Variants in CMIP observed in about 807,000 individuals in gnomAD.
CMIP encodes the protein C-Maf-inducing protein.
CMIP carries 13 observed loss-of-function variants against 97.3 expected under a neutral mutation model. The observed-to-expected ratio is 0.13, with a 90% confidence interval of 0.09 to 0.21. The LOEUF (loss-of-function observed/expected upper bound fraction) is 0.21. Ranked by LOEUF, CMIP falls within the 10% of genes least tolerant of loss-of-function variation. The probability of loss-of-function intolerance (pLI) is 1.00; values close to 1 mark genes in which losing one functional copy is unlikely to be tolerated. For synonymous variants in CMIP, 538 were observed against 436.3 expected (o/e 1.23, Z -2.91); for missense variants, 847 against 1,024.9 (o/e 0.83, Z 2.37).
chr16:81,445,977 A>C (rs1223137609), intron 1 of CMIP, among the ~76,000 whole-genome samples: 1 of 151,530 alleles, frequency 6.6e-6, no homozygotes, highest in Non-Finnish European at 1.5e-5. Context: ...AAAAAAAAAC[A>C]AACAACACAA....
At chr16:81,460,883 A>C (rs1387520254) in intron 1 of CMIP, among the ~76,000 whole-genome samples, 2 of 152,206 alleles carry the variant, frequency 1.3e-5, no homozygotes, top group Admixed American at 1.3e-4. Flanking sequence ...TTGCCTACCC[A>C]CTGTGGCCTT....
Position 81,445,510 on chromosome 16 carries a change from C to T in CMIP, c.269C>T (p.Thr90Met). The change falls in exon 1 of 21, where the codon ACG becomes ATG. Residue 90 changes from threonine to methionine, a missense_variant. Physicochemically the swap from Thr to Met is moderately conservative, Grantham distance 81. Coordinates refer to ENST00000537098, the MANE Select transcript of CMIP (RefSeq NM_198390.3). ...FLRRWEPHHLTLADNSLASAT... is the reference protein window; with the variant it reads ...FLRRWEPHHLMLADNSLASAT... ...AGGCGCTGGGAGCCGCACCACCTAA[C>T]GCTGGCCGACAACAGCCTGGCGTCC... 6.4e-7 allele frequency: 1 copy of T among 1,551,712 alleles called. No individual in the cohort carries two copies. Among genetic ancestry groups the T allele is most frequent in the Non-Finnish European group, 8.7e-7 (1 of 1,147,584 alleles).
At chr16:81,527,517 C>T (rs370940148) in intron 1 of CMIP, among the ~76,000 whole-genome samples, 1 of 152,152 alleles carries the variant, frequency 6.6e-6, no homozygotes, top group African/African-American at 2.4e-5. Flanking sequence ...CATGAATTAT[C>T]CCATCTCATG....
At chr16:81,591,516 C>A (rs575665194) in intron 1 of CMIP, among the ~76,000 whole-genome samples, 32 of 152,302 alleles carry the variant, frequency 2.1e-4, no homozygotes, top group Admixed American at 3.9e-4. Context: ...GCTGCAGGTG[C>A]ACACAGCCAC....
At chr16:81,572,219 A>C (rs1245894040) in intron 1 of CMIP, among the ~76,000 whole-genome samples, 1 of 152,216 alleles carries the variant, frequency 6.6e-6, no homozygotes, top group Non-Finnish European at 1.5e-5. Flanking sequence ...ATTTCTGGCA[A>C]CTGCCTCAGA....
intron 1 of CMIP, among the ~76,000 whole-genome samples, chr16:81,600,971 C>G (rs1203519362): frequency 1.3e-5 from 2 of 152,144 alleles, no homozygotes; most frequent in Non-Finnish European, 2.9e-5. Flanking sequence ...CAAATCCTTC[C>G]TTACAGTGGG....
chr16:81,488,190 C>T lies in CMIP; in HGVS notation c.300+42649C>T, dbSNP rs569640951. 7.9e-5 allele frequency among the ~76,000 whole-genome samples: 12 copies of T among 152,186 alleles called. No homozygotes were observed. The South Asian group carries it at 1.2e-3, about 16-fold the overall frequency. ...TTATTGTTATGGTTCTGATTAGCTC[C>T]GTGACCGTAGCACACCGAAGCTGAG... On this transcript the variant is annotated intron_variant, in intron 1 of 20. Coordinates refer to ENST00000537098, the MANE Select transcript of CMIP (RefSeq NM_198390.3).
At chr16:81,450,106 C>T (rs1015809994) in intron 1 of CMIP, among the ~76,000 whole-genome samples, 3 of 152,304 alleles carry the variant, frequency 2.0e-5, no homozygotes, top group South Asian at 2.1e-4. Flanking sequence ...ATTTCTGGGG[C>T]ACTGTCCTGG....
intron 3 of CMIP, among the ~76,000 whole-genome samples, chr16:81,650,882 C>A (rs2092420288): frequency 6.6e-6 from 1 of 152,188 alleles, no homozygotes; most frequent in South Asian, 2.1e-4. Flanking sequence ...CTCAGGTCCA[C>A]CTCCCGTCCC....
At position 81,473,487 on chromosome 16, in the gene CMIP, CT is replaced by C. The variant is rs35365325; in HGVS notation, c.300+27961del. Among the ~76,000 whole-genome samples the C allele has an allele frequency of 6.5e-3, 916 of 140,176 alleles. 5 individuals carry two copies. The highest frequency in any genetic ancestry group is 0.035 in the East Asian group (171 of 4,834). The allele number at this position is 140,176 out of a possible 152,430, so 92.0% of individuals were successfully genotyped here. A position where few individuals can be genotyped will look rare whatever the true frequency, so the allele number is the denominator to read the frequency against. ...CTTTCTTCTTCTTTTTAAAATAGGT[CT>C]TTTTTTTTTTTTTTCCATCCTATGA... On this transcript the variant is annotated intron_variant, in intron 1 of 20. Transcript: ENST00000537098.
At chr16:81,654,508 A>G (rs1431523676) in intron 4 of CMIP, among the ~76,000 whole-genome samples, 1 of 152,222 alleles carries the variant, frequency 6.6e-6, no homozygotes, top group East Asian at 1.9e-4. Context: ...CTTTGAAGCT[A>G]CTGTGTCAGG....
intron 1 of CMIP, among the ~76,000 whole-genome samples, chr16:81,545,738 T>A (rs2150846589): frequency 6.6e-6 from 1 of 152,172 alleles, no homozygotes; most frequent in South Asian, 2.1e-4. Context: ...TGATGGTGGT[T>A]TTCAAGCTCC....
At chr16:81,452,226 C>G (rs962720804) in intron 1 of CMIP, among the ~76,000 whole-genome samples, 11 of 152,170 alleles carry the variant, frequency 7.2e-5, no homozygotes, top group Admixed American at 3.3e-4. Context: ...ACTTTGAAAT[C>G]AGACAGGGGA....
intron 1 of CMIP, among the ~76,000 whole-genome samples, chr16:81,556,766 A>G (rs962940598): frequency 6.6e-6 from 1 of 152,258 alleles, no homozygotes; most frequent in Non-Finnish European, 1.5e-5. Context: ...TCACTTATAC[A>G]CACAATTGTA....
chr16:81,693,585 A>G, intron 13 of CMIP, 98 bp downstream of exon 13: 1 of 1,325,054 alleles, frequency 7.5e-7, no homozygotes, highest in African/African-American at 1.5e-5. Flanking sequence ...ACCAACAGGC[A>G]TTCAGAACAG....
chr16:81,532,949 C>T (rs78619533), intron 1 of CMIP, among the ~76,000 whole-genome samples: 19 of 152,108 alleles, frequency 1.2e-4, no homozygotes, highest in Non-Finnish European at 2.8e-4. Flanking sequence ...TGCCTCGAGG[C>T]CTTTGCCCTG....
intron 7 of CMIP, among the ~76,000 whole-genome samples, chr16:81,667,799 A>AGT (rs71146027): frequency 0.034 from 2,000 of 58,034 alleles, 25 homozygotes; most frequent in East Asian, 0.047. Flanking sequence ...AGAGAGAGAG[A>AGT]GTGTGTGTGT....
intron 1 of CMIP, among the ~76,000 whole-genome samples, chr16:81,556,197 G>C (rs1177491038): frequency 1.3e-5 from 2 of 152,096 alleles, no homozygotes; most frequent in Non-Finnish European, 2.9e-5. Flanking sequence ...TGCTGTTACG[G>C]AACCTGTTCT....
chr16:81,585,249 G>A (rs775544321), intron 1 of CMIP, among the ~76,000 whole-genome samples: 3 of 152,210 alleles, frequency 2.0e-5, no homozygotes, highest in Admixed American at 6.5e-5. Flanking sequence ...GGCTGAGGCA[G>A]GAGAATTGTT....
Sources: gnomAD v4.1 joint callset for allele counts (sites outside exome capture counted in the v4.1 genomes callset) on GRCh38, gnomAD v4.1.1 for gene constraint, MANE v1.5 for transcripts, NCBI Gene and HGNC (gene_info 2026-07-23, HGNC 2026-07-21) for gene names.